The following CDC73 variants were observed in gnomAD, a reference collection of about 807,000 sequenced individuals.
CDC73 encodes cell division cycle 73, also known as parafibromin.
In CDC73, 21 loss-of-function variants were observed where a neutral mutation model predicts 83.7. The observed-to-expected ratio is 0.25, with a 90% CI of 0.18 to 0.36. The LOEUF (loss-of-function observed/expected upper bound fraction) is 0.36. CDC73 is among the 10% of genes least tolerant of loss of function. The pLI is 1.00. For missense variants in CDC73, 342 were observed against 653.3 expected (o/e 0.52, Z 5.19); for synonymous variants, 224 against 212.9 (o/e 1.05, Z -0.45).
chr1:193,148,951 AG>A (rs991165034), intron 8 of CDC73, among the ~76,000 whole-genome samples: 1 of 152,154 alleles, frequency 6.6e-6, no homozygotes, highest in African/African-American at 2.4e-5. Context: ...AAGTTTTAAA[AG>A]GCACATTGAA....
At chr1:193,132,587 G>C (rs189087815) in intron 3 of CDC73, among the ~76,000 whole-genome samples, 18 of 151,180 alleles carry the variant, frequency 1.2e-4, no homozygotes, top group African/African-American at 4.1e-4. Context: ...TGTTGGGATT[G>C]CAGGCATGAG....
At chr1:193,145,853 C>A (rs892318800) in intron 7 of CDC73, among the ~76,000 whole-genome samples, 1 of 152,182 alleles carries the variant, frequency 6.6e-6, no homozygotes, top group Non-Finnish European at 1.5e-5. Context: ...CATCTACAAA[C>A]TAGGCAAGTG....
At chr1:193,176,077 C>CA (rs1676597439) in intron 10 of CDC73, among the ~76,000 whole-genome samples, 1 of 151,962 alleles carries the variant, frequency 6.6e-6, no homozygotes, top group South Asian at 2.1e-4. Flanking sequence ...ATTTTTAAAA[C>CA]AAATTTTAAA....
intron 13 of CDC73, among the ~76,000 whole-genome samples, chr1:193,214,219 A>G (rs539359380): frequency 2.0e-5 from 3 of 152,106 alleles, no homozygotes; most frequent in East Asian, 3.9e-4. Flanking sequence ...GCCGATGACT[A>G]TTTTCTTTCT....
rs372978307 is a variant in CDC73 at position 193,130,239 on chromosome 1, A to C, written c.303A>C (p.Glu101Asp). ...RKDLLGYLNG[E>D]ASTSASIDRS... Reference sequence around the variant, plus strand: ...ATCTACTTGGATATCTCAATGGTGAAGCGTGTGAGTACTTTTTAAATTGTT... The same window carrying C: ...ATCTACTTGGATATCTCAATGGTGACGCGTGTGAGTACTTTTTAAATTGTT... The change falls in exon 3 of 17, where the codon GAA (glutamate) becomes GAC (aspartate). Residue 101 changes from glutamate (E) to aspartate (D), a missense_variant. Transcript: ENST00000367435. 1.9e-6 allele frequency: 3 copies of C among 1,558,762 alleles called. No homozygotes were observed. Among genetic ancestry groups the C allele is most frequent in the Non-Finnish European group, 2.7e-6 (3 of 1,130,224 alleles).
At chr1:193,248,614 T>C (rs1311966382) in intron 15 of CDC73, among the ~76,000 whole-genome samples, 1 of 152,044 alleles carries the variant, frequency 6.6e-6, no homozygotes, top group African/African-American at 2.4e-5. Flanking sequence ...TTAAGAACAT[T>C]TGTGATTAAT....
chr1:193,140,968 T>C (rs1675896383), intron 6 of CDC73: 1 of 152,092 alleles, frequency 6.6e-6, no homozygotes, highest in Non-Finnish European at 1.5e-5. Context: ...GCCAGATGCA[T>C]ATGAGCACTA....
At position 193,212,276 on chromosome 1, in the gene CDC73, A is replaced by G. The variant is rs1186357587; in HGVS notation, c.1067-114A>G. 5 of 905,870 alleles carry G rather than the reference A, an allele frequency of 5.5e-6. No individual in the cohort carries two copies. The Admixed American group carries it at 7.2e-5, about 13-fold the overall frequency. The allele number at this position is 905,870 out of a possible 1,614,324, so 56.1% of individuals were successfully genotyped here. ...ATTTTTTAATATCCACTGGCTTAAA[A>G]TATTTTTTAGATCAAAAGTTAAAGT... On this transcript the variant is annotated intron_variant, in intron 12 of 16. Transcript: ENST00000367435.
At chr1:193,181,165 G>T in intron 10 of CDC73, 1 of 1,613,900 alleles carries the variant, frequency 6.2e-7, no homozygotes, top group South Asian at 1.1e-5. Context: ...GAAATGGTAA[G>T]AATTTGGATG....
At chr1:193,247,412 C>T (rs971969533) in intron 15 of CDC73, among the ~76,000 whole-genome samples, 1 of 151,988 alleles carries the variant, frequency 6.6e-6, no homozygotes, top group African/African-American at 2.4e-5. Flanking sequence ...TCAGGCCTCT[C>T]TTTTTCCTGA....
intron 10 of CDC73, among the ~76,000 whole-genome samples, chr1:193,169,757 CAAAT>C (rs1676489596): frequency 6.6e-6 from 1 of 151,896 alleles, no homozygotes. Context: ...AAAATCCTGA[CAAAT>C]ATTTTTTCTT....
At chr1:193,192,828 C>T (rs1000139394) in intron 10 of CDC73, among the ~76,000 whole-genome samples, 1 of 152,202 alleles carries the variant, frequency 6.6e-6, no homozygotes, top group Non-Finnish European at 1.5e-5. Flanking sequence ...TTAATCTGGT[C>T]ACCCTCCGCT....
At chr1:193,155,365 A>G (rs1362830925) in intron 10 of CDC73, among the ~76,000 whole-genome samples, 1 of 152,250 alleles carries the variant, frequency 6.6e-6, no homozygotes, top group Non-Finnish European at 1.5e-5. Flanking sequence ...GCCATGAAAT[A>G]CGTTTCACAG....
intron 13 of CDC73, among the ~76,000 whole-genome samples, chr1:193,228,440 A>G (rs1677601138): frequency 6.6e-6 from 1 of 152,234 alleles, no homozygotes; most frequent in South Asian, 2.1e-4. Flanking sequence ...TTCAAGACTT[A>G]CTATCAAGTT....
intron 3 of CDC73, among the ~76,000 whole-genome samples, chr1:193,134,125 C>T (rs906646865): frequency 3.3e-5 from 5 of 151,890 alleles, no homozygotes; most frequent in African/African-American, 1.2e-4. Context: ...TTTCGTTTAG[C>T]TTTTTTACCA....
At chr1:193,199,323 T>C (rs933896736) in intron 10 of CDC73, among the ~76,000 whole-genome samples, 1 of 152,054 alleles carries the variant, frequency 6.6e-6, no homozygotes, top group South Asian at 2.1e-4. Context: ...CCCAGCGCTT[T>C]AGGAGGCCAA....
intron 13 of CDC73, among the ~76,000 whole-genome samples, chr1:193,216,719 C>T (rs997204516): frequency 6.6e-6 from 1 of 152,032 alleles, no homozygotes; most frequent in African/African-American, 2.4e-5. Flanking sequence ...AAATCGAATC[C>T]AGCAGCACAT....
intron 15 of CDC73, among the ~76,000 whole-genome samples, chr1:193,242,256 G>A (rs552578118): frequency 4.6e-5 from 7 of 152,290 alleles, no homozygotes; most frequent in African/African-American, 1.7e-4. Context: ...TAGGACCCAA[G>A]CATGAACCTC....
intron 11 of CDC73, among the ~76,000 whole-genome samples, chr1:193,207,223 G>T (rs1396411581): frequency 6.6e-6 from 1 of 152,016 alleles, no homozygotes; most frequent in Non-Finnish European, 1.5e-5. Context: ...TTTTAAAAGG[G>T]GTATACGAAC....
Sources: gnomAD v4.1 joint callset for allele counts (sites outside exome capture counted in the v4.1 genomes callset) on GRCh38, gnomAD v4.1.1 for gene constraint, MANE v1.5 for transcripts, NCBI Gene and HGNC (gene_info 2026-07-23, HGNC 2026-07-21) for gene names.